The following SH3RF3 variants were observed in gnomAD, a reference collection of about 807,000 sequenced individuals.
The protein encoded by SH3RF3 is SH3 domain containing ring finger 3.
In SH3RF3, 29 loss-of-function variants were observed where a neutral mutation model predicts 66.3. That is an observed-to-expected ratio of 0.44 (90% CI 0.33 to 0.60). SH3RF3 has a LOEUF of 0.60. SH3RF3 is among the 20% of genes least tolerant of loss of function. SH3RF3 has a pLI of 0.04. For synonymous variants in SH3RF3, 583 were observed against 532.0 expected, an observed-to-expected ratio of 1.10 and a Z score of -1.32; for missense variants, 1,194 against 1,190.9, an observed-to-expected ratio of 1.00 and a Z score of -0.04.
intron 2 of SH3RF3, among the ~76,000 whole-genome samples, chr2:109,364,276 C>T (rs753245710): frequency 7.2e-5 from 11 of 151,974 alleles, no homozygotes; most frequent in South Asian, 2.1e-4. Context: ...CTAATAAGCA[C>T]GTCGAAGGCA....
In SH3RF3 at chr2:109,228,064, C is replaced by T. The variant is rs912707601; in HGVS notation, c.573+97951C>T. On this transcript the variant is annotated intron_variant, in intron 1 of 9. Coordinates refer to ENST00000309415, the MANE Select transcript of SH3RF3 (RefSeq NM_001099289.3). ...GGAAAGTGATGCCCAGACACAGGTA[C>T]GAGTGTCTGGTTTGGTACTTTTACT... 3.9e-5 allele frequency among the ~76,000 whole-genome samples: 6 copies of T among 152,240 alleles called. No individual in the cohort carries two copies. In the South Asian group the frequency reaches 6.2e-4, roughly 16 times the overall value.
chr2:109,303,617 CAA>C (rs1681524146), intron 1 of SH3RF3, among the ~76,000 whole-genome samples: 1 of 152,212 alleles, frequency 6.6e-6, no homozygotes, highest in Non-Finnish European at 1.5e-5. Flanking sequence ...GCTGGCGAGA[CAA>C]AGTCAGGGAG....
chr2:109,318,500 A>G (rs1420885857), intron 1 of SH3RF3, among the ~76,000 whole-genome samples: 2 of 152,190 alleles, frequency 1.3e-5, no homozygotes, highest in South Asian at 2.1e-4. Context: ...TCATAGCACA[A>G]TCATTTTGGC....
chr2:109,349,315 CCTT>C (rs1682789610), intron 2 of SH3RF3, among the ~76,000 whole-genome samples: 1 of 152,190 alleles, frequency 6.6e-6, no homozygotes, highest in South Asian at 2.1e-4. Flanking sequence ...GGATTCAACT[CCTT>C]CTCCCTTCCT....
intron 8 of SH3RF3, among the ~76,000 whole-genome samples, chr2:109,470,468 G>T (rs1482375838): frequency 2.6e-5 from 4 of 152,206 alleles, no homozygotes; most frequent in African/African-American, 7.2e-5. Flanking sequence ...ACCCACTTGA[G>T]TGTAGTTGCC....
intron 1 of SH3RF3, among the ~76,000 whole-genome samples, chr2:109,167,692 C>G (rs1368469997): frequency 6.6e-6 from 1 of 152,186 alleles, no homozygotes; most frequent in Non-Finnish European, 1.5e-5. Context: ...CTACTTCAGC[C>G]TCCCGAGTAG....
At chr2:109,274,722 A>G (rs1680710927) in intron 1 of SH3RF3, among the ~76,000 whole-genome samples, 1 of 152,210 alleles carries the variant, frequency 6.6e-6, no homozygotes, top group Non-Finnish European at 1.5e-5. Flanking sequence ...TGGCTGCATA[A>G]CATTGTGAAT....
intron 1 of SH3RF3, among the ~76,000 whole-genome samples, chr2:109,262,932 C>T: frequency 6.6e-6 from 1 of 151,956 alleles, no homozygotes; most frequent in East Asian, 1.9e-4. Context: ...TCCCGGGTTC[C>T]AGCAACTCTT....
At chr2:109,159,755 A>T (rs1677441264) in intron 1 of SH3RF3, among the ~76,000 whole-genome samples, 1 of 152,164 alleles carries the variant, frequency 6.6e-6, no homozygotes, top group African/African-American at 2.4e-5. Flanking sequence ...AGATTCTCAC[A>T]GGAGCACAAA....
intron 1 of SH3RF3, among the ~76,000 whole-genome samples, chr2:109,303,846 C>G (rs1199956803): frequency 2.0e-5 from 3 of 152,184 alleles, no homozygotes; most frequent in African/African-American, 7.2e-5. Context: ...CATCACCTCT[C>G]AGAGTTGTGC....
At chr2:109,215,756 G>A (rs1042358945) in intron 1 of SH3RF3, among the ~76,000 whole-genome samples, 3 of 152,178 alleles carry the variant, frequency 2.0e-5, no homozygotes, top group African/African-American at 7.2e-5. Context: ...GGGGGACATC[G>A]CTGCACAGTT....
At chr2:109,251,356 C>A in intron 1 of SH3RF3, 1 of 583,004 alleles carries the variant, frequency 1.7e-6, no homozygotes, top group South Asian at 1.6e-5. Flanking sequence ...CCCGGCCTGC[C>A]GCGGGAGCAT....
chr2:109,347,692 T>A lies in SH3RF3; in HGVS notation c.592T>A (p.Tyr198Asn), dbSNP rs767415992. 1 of 1,613,644 alleles carries A rather than the reference T, an allele frequency of 6.2e-7. No individual in the cohort carries two copies. Among genetic ancestry groups the A allele is most frequent in the South Asian group, 1.1e-5 (1 of 91,038 alleles). Residue 198 changes from tyrosine to asparagine, a missense_variant, in exon 2 of 10, where the codon TAT becomes AAT. Coordinates refer to ENST00000309415, the MANE Select transcript of SH3RF3 (RefSeq NM_001099289.3). ...CTTGCAGAATCCCTGCCTGCTTCCC[T>A]ATGGCAAGGCCCTCTACAGCTACGA... ...PAAKNPCLLP[Y>N]GKALYSYEGK...
At chr2:109,458,600 G>GAGAGAGAGAGAGAGAGAGAGAGAGA (rs1678129291) in intron 8 of SH3RF3, among the ~76,000 whole-genome samples, 2 of 150,680 alleles carry the variant, frequency 1.3e-5, no homozygotes, top group Admixed American at 1.3e-4. Flanking sequence ...GAGAGAGAGA[G>GAGAGAGAGAGAGAGAGAGAGAGAGA]AATTTATTTA....
chr2:109,160,354 A>G (rs1190067869), intron 1 of SH3RF3, among the ~76,000 whole-genome samples: 1 of 152,234 alleles, frequency 6.6e-6, no homozygotes, highest in African/African-American at 2.4e-5. Flanking sequence ...TGAGAAGGCA[A>G]GAAACACATT....
intron 1 of SH3RF3, among the ~76,000 whole-genome samples, chr2:109,185,089 G>T (rs899023930): frequency 2.6e-5 from 4 of 152,188 alleles, no homozygotes; most frequent in Non-Finnish European, 5.9e-5. Flanking sequence ...ACACCGTGGA[G>T]ATAGTAAAAT....
At chr2:109,326,059 G>A (rs1050571654) in intron 1 of SH3RF3, among the ~76,000 whole-genome samples, 2 of 152,224 alleles carry the variant, frequency 1.3e-5, no homozygotes, top group African/African-American at 4.8e-5. Flanking sequence ...CCCTCCAGGG[G>A]TATCCTGGGC....
intron 1 of SH3RF3, among the ~76,000 whole-genome samples, chr2:109,306,920 G>A (rs566146458): frequency 2.6e-5 from 4 of 152,352 alleles, no homozygotes; most frequent in African/African-American, 4.8e-5. Context: ...ATGCATGCCC[G>A]TGTGGATGGC....
rs548105922 is a variant in SH3RF3, at chr2:109,293,861, C to T, written c.574-53813C>T. Among the ~76,000 whole-genome samples the T allele has an allele frequency of 3.5e-3, 539 of 152,342 alleles. 1 individual carries two copies. The highest frequency in any genetic ancestry group is 0.012 in the African/African-American group (503 of 41,574). ...CAGCCCAGGTGTCTTGCTCCTCTACCTCACATTTCCCTCCTGTGAAACAGC... is the reference window on the plus strand; with the variant it reads ...CAGCCCAGGTGTCTTGCTCCTCTACTTCACATTTCCCTCCTGTGAAACAGC... On this transcript the variant is annotated intron_variant, in intron 1 of 9. Transcript: ENST00000309415.
Sources: allele counts gnomAD v4.1 joint callset (sites outside exome capture counted in the v4.1 genomes callset), GRCh38; gene constraint gnomAD v4.1.1; transcripts MANE v1.5; gene names NCBI Gene and HGNC (gene_info 2026-07-23, HGNC 2026-07-21).